Variants in ARNT2 observed in about 807,000 individuals in gnomAD.
The protein encoded by ARNT2 is aryl hydrocarbon receptor nuclear translocator 2.
ARNT2 carries 36 observed loss-of-function variants against 91.7 expected under a neutral mutation model. That is an observed-to-expected ratio of 0.39 (90% CI 0.30 to 0.52). The LOEUF is 0.52. ARNT2 is among the 20% of genes least tolerant of loss of function. ARNT2 has a pLI of 0.72. For missense variants in ARNT2, 775 were observed against 939.3 expected (o/e 0.83, Z 2.29); for synonymous variants, 365 against 347.1 (o/e 1.05, Z -0.57).
chr15:80,432,230 A>G (rs536933448), intron 1 of ARNT2, among the ~76,000 whole-genome samples: 2 of 152,328 alleles, frequency 1.3e-5, no homozygotes, highest in East Asian at 1.9e-4. Flanking sequence ...CACGGGGGGA[A>G]CGGCAGTGTC....
intron 1 of ARNT2, among the ~76,000 whole-genome samples, chr15:80,432,301 G>A (rs1209985540): frequency 6.6e-6 from 1 of 152,134 alleles, no homozygotes; most frequent in Non-Finnish European, 1.5e-5. Context: ...GAATTTTCTG[G>A]GACCTGATGC....
intron 1 of ARNT2, among the ~76,000 whole-genome samples, chr15:80,425,511 GAT>G (rs958364203): frequency 4.6e-4 from 70 of 152,274 alleles, no homozygotes; most frequent in African/African-American, 1.6e-3. Context: ...AGAGGTTAAA[GAT>G]AGAAATATCT....
intron 8 of ARNT2, among the ~76,000 whole-genome samples, chr15:80,549,224 C>T (rs1219966648): frequency 6.6e-6 from 1 of 152,046 alleles, no homozygotes; most frequent in East Asian, 1.9e-4. Flanking sequence ...AAAAGAATAA[C>T]TCTGAATGGA....
At chr15:80,409,563 A>G (rs923379785) in intron 1 of ARNT2, among the ~76,000 whole-genome samples, 5 of 151,716 alleles carry the variant, frequency 3.3e-5, no homozygotes, top group African/African-American at 1.2e-4. Context: ...AGTAACTACT[A>G]TGTGCCGGGG....
chr15:80,591,551 T>G lies in ARNT2; in HGVS notation c.1919-17T>G. 6.2e-7 allele frequency: 1 copy of G among 1,614,070 alleles called. No individual in the cohort carries two copies. Among genetic ancestry groups the G allele is most frequent in the Non-Finnish European group, 8.5e-7 (1 of 1,179,974 alleles). On this transcript the variant is annotated splice_polypyrimidine_tract_variant and intron_variant, in intron 17 of 18. Coordinates refer to ENST00000303329, the MANE Select transcript of ARNT2 (RefSeq NM_014862.4). This position sits in a 1 kb window ranked among gnomAD's most constrained non-coding sequence, Gnocchi z 5.1. ...GATGGCTTTTAAAGGAAGTGTCCTG[T>G]GTGTCGAATCTTTCAGCTGAAAGTG...
intron 8 of ARNT2, among the ~76,000 whole-genome samples, chr15:80,514,644 T>C (rs1333389318): frequency 2.0e-5 from 3 of 152,218 alleles, no homozygotes; most frequent in Non-Finnish European, 4.4e-5. Context: ...CCCAGCACTT[T>C]GGGGGGCCAA....
At chr15:80,487,501 G>A (rs1306014585) in intron 5 of ARNT2, among the ~76,000 whole-genome samples, 2 of 152,248 alleles carry the variant, frequency 1.3e-5, no homozygotes, top group Non-Finnish European at 2.9e-5. Flanking sequence ...CAGGAGTTGA[G>A]AAGTTTGGCC....
At chr15:80,476,226 G>A (rs1225143919) in intron 5 of ARNT2, among the ~76,000 whole-genome samples, 2 of 152,140 alleles carry the variant, frequency 1.3e-5, no homozygotes, top group Admixed American at 6.6e-5. Flanking sequence ...GAAATCAGAC[G>A]GAGAGTTTTA....
intron 6 of ARNT2, among the ~76,000 whole-genome samples, chr15:80,512,174 T>C (rs1474208652): frequency 6.6e-6 from 1 of 152,238 alleles, no homozygotes; most frequent in Non-Finnish European, 1.5e-5. Context: ...AACCTGTTTA[T>C]GTACAGGCTG....
intron 1 of ARNT2, among the ~76,000 whole-genome samples, chr15:80,445,985 C>T (rs1896296938): frequency 6.6e-6 from 1 of 152,098 alleles, no homozygotes; most frequent in African/African-American, 2.4e-5. Flanking sequence ...CAAAATGACT[C>T]TAAGTGGTGT....
In ARNT2 at chr15:80,597,281, C is replaced by T. The variant is rs1316081098; in HGVS notation, c.*3583C>T. On this transcript the variant is annotated 3_prime_UTR_variant, in exon 19 of 19. Coordinates refer to ENST00000303329, the MANE Select transcript of ARNT2 (RefSeq NM_014862.4). ...AATGTGAACGCTCACCTTGCTCCGT[C>T]ACGGTTCTGACCTACCACATAAACA... 3.9e-6 allele frequency: 2 copies of T among 518,638 alleles called. No homozygotes were observed. The highest frequency in any genetic ancestry group is 2.8e-5 in the South Asian group (2 of 71,504). 32.1% of individuals were successfully genotyped at this position (518,638 alleles called of 1,614,324 possible). A position where few individuals can be genotyped will look rare whatever the true frequency, so the allele number is the denominator to read the frequency against.
At chr15:80,548,171 T>A (rs535882624) in intron 8 of ARNT2, among the ~76,000 whole-genome samples, 1 of 152,332 alleles carries the variant, frequency 6.6e-6, no homozygotes, top group African/African-American at 2.4e-5. Context: ...AACAACATAT[T>A]GTAGCAGATT....
intron 5 of ARNT2, among the ~76,000 whole-genome samples, chr15:80,479,252 A>C (rs1425871781): frequency 6.6e-6 from 1 of 152,224 alleles, no homozygotes; most frequent in Non-Finnish European, 1.5e-5. Flanking sequence ...AAAGAGTTTC[A>C]GCATCTGGGG....
intron 1 of ARNT2, among the ~76,000 whole-genome samples, chr15:80,443,360 T>C (rs1167683743): frequency 6.6e-6 from 1 of 151,764 alleles, no homozygotes; most frequent in Non-Finnish European, 1.5e-5. Flanking sequence ...GGAAAGAAAA[T>C]GTGTTAGAAG....
chr15:80,438,473 G>T (rs1257593765), intron 1 of ARNT2, among the ~76,000 whole-genome samples: 2 of 152,172 alleles, frequency 1.3e-5, no homozygotes, highest in Non-Finnish European at 2.9e-5. Context: ...CTTGAAAGAT[G>T]CATGGTCTAA....
At chr15:80,484,377 T>C (rs1057237918) in intron 5 of ARNT2, among the ~76,000 whole-genome samples, 1 of 152,162 alleles carries the variant, frequency 6.6e-6, no homozygotes, top group Non-Finnish European at 1.5e-5. Flanking sequence ...TTGCCAGAGG[T>C]GCTTGATAAA....
chr15:80,572,792 T>C (rs912196545), intron 12 of ARNT2, among the ~76,000 whole-genome samples: 2 of 152,272 alleles, frequency 1.3e-5, no homozygotes, highest in Non-Finnish European at 2.9e-5. Context: ...ACATAGTTTG[T>C]GGCCATAATT....
At chr15:80,551,855 T>C (rs922148779) in intron 9 of ARNT2, among the ~76,000 whole-genome samples, 1 of 152,138 alleles carries the variant, frequency 6.6e-6, no homozygotes, top group Admixed American at 6.5e-5. Flanking sequence ...CCTATTCTCA[T>C]AGCACTGAGC....
At chr15:80,586,662 C>T (rs1313576968) in intron 17 of ARNT2, among the ~76,000 whole-genome samples, 1 of 151,836 alleles carries the variant, frequency 6.6e-6, no homozygotes, top group Non-Finnish European at 1.5e-5. Flanking sequence ...GGCCAGGAGT[C>T]CAAGACCAGC....
Sources: gnomAD v4.1 joint callset for allele counts (sites outside exome capture counted in the v4.1 genomes callset) on GRCh38, gnomAD v4.1.1 for gene constraint, Gnocchi (gnomAD v3.1) non-coding constraint, MANE v1.5 for transcripts, NCBI Gene and HGNC (gene_info 2026-07-23, HGNC 2026-07-21) for gene names.